Variants in LZTFL1 observed in about 807,000 individuals in gnomAD.
LZTFL1 encodes the protein leucine zipper transcription factor-like protein 1.
Under a neutral mutation model 45.9 loss-of-function variants are expected in LZTFL1, and 25 were observed. That is an observed-to-expected ratio of 0.54 (90% CI 0.40 to 0.76). The LOEUF is 0.76. LZTFL1 is among the 30% of genes least tolerant of loss of function. The pLI is 0.00. For synonymous variants in LZTFL1, 93 were observed against 117.4 expected (o/e 0.79, Z 1.35); for missense variants, 277 against 331.1 (o/e 0.84, Z 1.27).
chr3:45,863,549 G>C (rs1701527975), intron 2 of LZTFL1, among the ~76,000 whole-genome samples: 1 of 152,130 alleles, frequency 6.6e-6, no homozygotes, highest in Admixed American at 6.5e-5. Flanking sequence ...AGGAATAGTG[G>C]GACAACCAGT....
intron 2 of LZTFL1, among the ~76,000 whole-genome samples, chr3:45,909,473 C>T (rs1177899539): frequency 6.6e-6 from 1 of 152,196 alleles, no homozygotes; most frequent in East Asian, 1.9e-4. Flanking sequence ...GTTTCATCTG[C>T]TCCCTTCCTT....
chr3:45,862,158 C>T (rs1701501760), intron 2 of LZTFL1, among the ~76,000 whole-genome samples: 1 of 152,224 alleles, frequency 6.6e-6, no homozygotes, highest in South Asian at 2.1e-4. Flanking sequence ...GACATGGTCT[C>T]TGTTCTTGGG....
At chr3:45,912,785 T>A (rs943185068) in intron 2 of LZTFL1, among the ~76,000 whole-genome samples, 1 of 149,722 alleles carries the variant, frequency 6.7e-6, no homozygotes, top group African/African-American at 2.5e-5. Flanking sequence ...CCACCAAGAG[T>A]CCAGAGCCCC....
At chr3:45,832,945 T>C in intron 5 of LZTFL1, 105 bp downstream of exon 5, 1 of 806,906 alleles carries the variant, frequency 1.2e-6, no homozygotes, top group Non-Finnish European at 2.1e-6. Flanking sequence ...AATGGACTAA[T>C]TATCCTCAGA....
chr3:45,858,104 A>G (rs1272995296), intron 3 of LZTFL1, among the ~76,000 whole-genome samples: 1 of 152,234 alleles, frequency 6.6e-6, no homozygotes, highest in Admixed American at 6.5e-5. Flanking sequence ...ACTCCTTTAC[A>G]CATTCAATTT....
intron 1 of LZTFL1, among the ~76,000 whole-genome samples, chr3:45,914,882 C>T (rs1702866648): frequency 6.6e-6 from 1 of 152,212 alleles, no homozygotes; most frequent in African/African-American, 2.4e-5. Context: ...GGCGTCCCTG[C>T]TGGTGCAGAG....
At chr3:45,860,825 G>A (rs560080150) in intron 2 of LZTFL1, among the ~76,000 whole-genome samples, 1 of 152,106 alleles carries the variant, frequency 6.6e-6, no homozygotes, top group Admixed American at 6.6e-5. Flanking sequence ...TAATAAGTAC[G>A]AAATCGTTGA....
In LZTFL1 at chr3:45,826,104, TAG is replaced by T. The variant is rs1371362285; in HGVS notation, c.*208_*209del. The T allele has an allele frequency of 5.3e-6, 3 of 567,040 alleles. No homozygotes were observed. The African/African-American group carries it at 5.7e-5, about 11-fold the overall frequency. The allele number at this position is 567,040 out of a possible 1,614,324, so 35.1% of individuals were successfully genotyped here. ...TGAGCTAAGACTCTGGAGCACTCAG[TAG>T]AGAGGTGTGTGGGATGACCAGACAG... On this transcript the variant is annotated 3_prime_UTR_variant, in exon 10 of 10. Transcript: ENST00000296135.
intron 2 of LZTFL1, among the ~76,000 whole-genome samples, chr3:45,873,253 A>G (rs1293750543): frequency 1.3e-5 from 2 of 152,232 alleles, no homozygotes; most frequent in Non-Finnish European, 2.9e-5. Context: ...GAAATTCTGC[A>G]TTTCCAACAA....
At chr3:45,871,182 C>T (rs929702149) in intron 2 of LZTFL1, among the ~76,000 whole-genome samples, 1 of 152,186 alleles carries the variant, frequency 6.6e-6, no homozygotes, top group African/African-American at 2.4e-5. Context: ...TACAATGCCT[C>T]CTTAAAGAAA....
At chr3:45,860,223 T>A (rs2125708529) in intron 2 of LZTFL1, among the ~76,000 whole-genome samples, 1 of 152,046 alleles carries the variant, frequency 6.6e-6, no homozygotes, top group East Asian at 1.9e-4. Flanking sequence ...AATAAATAAA[T>A]AAATAAGTAA....
At chr3:45,883,062 T>C (rs1428310827) in intron 2 of LZTFL1, among the ~76,000 whole-genome samples, 2 of 152,160 alleles carry the variant, frequency 1.3e-5, no homozygotes, top group Non-Finnish European at 1.5e-5. Flanking sequence ...TCAGAAGCAT[T>C]CCAAGCTTTT....
chr3:45,907,558 T>A (rs1313864632), intron 2 of LZTFL1, among the ~76,000 whole-genome samples: 1 of 152,170 alleles, frequency 6.6e-6, no homozygotes, highest in African/African-American at 2.4e-5. Context: ...TAAACAACCC[T>A]CAGTCAAGAG....
intron 2 of LZTFL1, among the ~76,000 whole-genome samples, chr3:45,880,183 C>T (rs1353040528): frequency 6.6e-6 from 1 of 152,118 alleles, no homozygotes; most frequent in African/African-American, 2.4e-5. Context: ...TTTGTTGTTT[C>T]CCATGCAGCA....
chr3:45,891,204 C>T lies in LZTFL1; in HGVS notation c.-215+21916G>A, dbSNP rs143536180. On this transcript the variant is annotated intron_variant, in intron 2 of 4. Transcript: ENST00000472635. ...CCAGGTGGCTGGGTAAGGTCACGGC[C>T]GGAGGCTGGGGCTACTCATTTTTAT... 3.1e-3 allele frequency among the ~76,000 whole-genome samples: 473 copies of T among 152,306 alleles called. 1 individual carries two copies. The highest frequency in any genetic ancestry group is 0.011 in the African/African-American group (447 of 41,560).
At chr3:45,858,226 G>C (rs750159321) in intron 3 of LZTFL1, among the ~76,000 whole-genome samples, 8 of 152,120 alleles carry the variant, frequency 5.3e-5, no homozygotes, top group Non-Finnish European at 1.0e-4. Flanking sequence ...AGCTGTCAGG[G>C]TGTATTATCA....
At chr3:45,915,464 C>G (rs1390401482) in exon 1 of LZTFL1, 2 of 455,118 alleles carry the variant, frequency 4.4e-6, no homozygotes, top group South Asian at 3.1e-5. Flanking sequence ...GCTTCCTTCT[C>G]TCCTCCGAGG....
chr3:45,907,749 G>T (rs1316642159), intron 2 of LZTFL1, among the ~76,000 whole-genome samples: 2 of 152,088 alleles, frequency 1.3e-5, no homozygotes, highest in African/African-American at 4.8e-5. Flanking sequence ...TTTGTAATTC[G>T]CTAGTATTCT....
rs6782429 is a variant in LZTFL1, at chr3:45,895,067, G to T, written c.-215+18053C>A. ...AGGATTTATCTGTGTGGTTTCCCAG[G>T]GTAAGATCTCTGCCTGGCAATGCGC... On this transcript the variant is annotated intron_variant, in intron 2 of 4. Coordinates refer to the LZTFL1 transcript ENST00000472635. 5,192 of 1,169,618 alleles carry T rather than the reference G, an allele frequency of 4.4e-3. 165 individuals carry two copies. In the African/African-American group the frequency reaches 0.066, roughly 15 times the overall value. 72.5% of individuals were successfully genotyped at this position (1,169,618 alleles called of 1,614,324 possible). A position where few individuals can be genotyped will look rare whatever the true frequency, so the allele number is the denominator to read the frequency against.
Sources: gnomAD v4.1 joint callset for allele counts (sites outside exome capture counted in the v4.1 genomes callset) on GRCh38, gnomAD v4.1.1 for gene constraint, MANE v1.5 for transcripts, NCBI Gene and HGNC (gene_info 2026-07-23, HGNC 2026-07-21) for gene names.